MBD5: variants seen among roughly 807,000 people sequenced by gnomAD.
MBD5 encodes methyl-CpG-binding domain protein 5.
MBD5 carries 13 observed loss-of-function variants against 117.3 expected under a neutral mutation model. The ratio of observed to expected loss-of-function variants is 0.11; its 90% confidence interval spans 0.07 to 0.18. MBD5 has a LOEUF of 0.18. Ranked by LOEUF, MBD5 falls within the 10% of genes least tolerant of loss-of-function variation. The pLI is 1.00. For synonymous variants in MBD5, 727 were observed against 766.4 expected (o/e 0.95, Z 0.85); for missense variants, 1,879 against 2,093.8 (o/e 0.90, Z 2.00).
chr2:148,135,541 C>T (rs769481394), intron 1 of MBD5, among the ~76,000 whole-genome samples: 11 of 152,104 alleles, frequency 7.2e-5, no homozygotes, highest in Non-Finnish European at 1.5e-4. Context: ...CTTCTATCTT[C>T]TCCAGCAACT....
At chr2:148,438,165 A>T (rs1460814378) in intron 4 of MBD5, among the ~76,000 whole-genome samples, 1 of 152,248 alleles carries the variant, frequency 6.6e-6, no homozygotes, top group African/African-American at 2.4e-5. Flanking sequence ...GACGAAATAC[A>T]TAGTGTATCA....
intron 1 of MBD5, among the ~76,000 whole-genome samples, chr2:148,046,172 C>T (rs1274367269): frequency 2.6e-5 from 4 of 151,466 alleles, no homozygotes; most frequent in South Asian, 2.1e-4. Context: ...TTAGTAGAGA[C>T]GGGGTTTCAC....
At chr2:148,136,465 T>A (rs375178770) in intron 1 of MBD5, among the ~76,000 whole-genome samples, 5 of 152,298 alleles carry the variant, frequency 3.3e-5, no homozygotes, top group African/African-American at 1.2e-4. Context: ...TTAAGCAGAT[T>A]GTGTTGTGAC....
rs5835195 is a variant in MBD5 at position 148,483,088 on chromosome 2, G to GTT, written c.2519-10_2519-9dup. ...TTCATGATTAATAACTGGGTTTTGT[G>GTT]TTTTTTTTTTTTTCATTTTAGGCGG... On this transcript the variant is annotated intron_variant, in intron 8 of 13. Transcript: ENST00000642680. 2.5e-5 allele frequency: 33 copies of GTT among 1,340,534 alleles called. No individual in the cohort carries two copies. In the African/African-American group the frequency reaches 3.5e-4, roughly 14 times the overall value. The allele number at this position is 1,340,534 out of a possible 1,614,324, so 83.0% of individuals were successfully genotyped here.
chr2:148,508,576 G>A (rs1157765998), intron 12 of MBD5, among the ~76,000 whole-genome samples: 2 of 151,870 alleles, frequency 1.3e-5, no homozygotes, highest in Non-Finnish European at 2.9e-5. Flanking sequence ...CTTCCAGCGG[G>A]GGAATATATT....
chr2:148,483,016 A>C (rs1681207045), intron 8 of MBD5, 94 bp from the exon 9 acceptor site: 3 of 1,415,088 alleles, frequency 2.1e-6, no homozygotes, highest in Non-Finnish European at 2.9e-6. Flanking sequence ...GGAACAAATA[A>C]ATTTAAATTT....
chr2:148,433,263 A>G (rs528190323), intron 4 of MBD5, among the ~76,000 whole-genome samples: 12 of 152,014 alleles, frequency 7.9e-5, no homozygotes, highest in Admixed American at 5.2e-4. Flanking sequence ...GGAAGAGACT[A>G]TGGGGTTTTC....
At chr2:148,052,213 T>G (rs1304108964) in intron 1 of MBD5, among the ~76,000 whole-genome samples, 2 of 136,534 alleles carry the variant, frequency 1.5e-5, no homozygotes, top group Non-Finnish European at 3.2e-5. Flanking sequence ...TGAGTTTTTT[T>G]TTTTTTTTTT....
intron 1 of MBD5, among the ~76,000 whole-genome samples, chr2:148,152,511 G>C (rs201072460): frequency 6.6e-6 from 1 of 151,552 alleles, no homozygotes; most frequent in Admixed American, 6.6e-5. Flanking sequence ...TTTCTGTCTC[G>C]TTGATCTGTC....
At chr2:148,345,422 T>TACAC (rs1703076606) in intron 4 of MBD5, among the ~76,000 whole-genome samples, 1 of 140,486 alleles carries the variant, frequency 7.1e-6, no homozygotes, top group Non-Finnish European at 1.5e-5. Flanking sequence ...CATATACATA[T>TACAC]ATACACATAT....
chr2:148,378,208 G>T (rs893163936), intron 4 of MBD5, among the ~76,000 whole-genome samples: 15 of 151,970 alleles, frequency 9.9e-5, no homozygotes, highest in African/African-American at 3.6e-4. Context: ...GAGTAAAATG[G>T]TTTTATATAT....
intron 2 of MBD5, among the ~76,000 whole-genome samples, chr2:148,224,831 C>T (rs1451411946): frequency 1.3e-5 from 2 of 151,832 alleles, no homozygotes; most frequent in Admixed American, 6.6e-5. Context: ...TTTTGTCTCT[C>T]TTATAGTTTT....
chr2:148,487,968 C>G (rs1186222626), intron 10 of MBD5, among the ~76,000 whole-genome samples: 1 of 152,112 alleles, frequency 6.6e-6, no homozygotes, highest in Non-Finnish European at 1.5e-5. Flanking sequence ...AATATGTAAG[C>G]CATGAACATA....
intron 4 of MBD5, among the ~76,000 whole-genome samples, chr2:148,396,260 C>T (rs1309243917): frequency 2.0e-5 from 3 of 152,144 alleles, no homozygotes; most frequent in African/African-American, 7.2e-5. Flanking sequence ...CTTACTTGCC[C>T]CTCCTCCTTC....
chr2:148,218,547 T>C (rs911440446), intron 2 of MBD5, among the ~76,000 whole-genome samples: 1 of 152,200 alleles, frequency 6.6e-6, no homozygotes, highest in African/African-American at 2.4e-5. Context: ...CATCGCTTAA[T>C]GACATGAGTA....
At chr2:148,039,340 G>A (rs536402972) in intron 1 of MBD5, among the ~76,000 whole-genome samples, 2 of 152,034 alleles carry the variant, frequency 1.3e-5, no homozygotes, top group Admixed American at 6.6e-5. Context: ...CTTTACTAAT[G>A]TGCCAAATTT....
At chr2:148,477,520 TCTTA>T (rs1681007768) in intron 8 of MBD5, among the ~76,000 whole-genome samples, 1 of 152,316 alleles carries the variant, frequency 6.6e-6, no homozygotes. Context: ...TACCATTCCC[TCTTA>T]CTAAAACTTG....
At chr2:148,435,287 A>C (rs1706121425) in intron 4 of MBD5, among the ~76,000 whole-genome samples, 1 of 152,074 alleles carries the variant, frequency 6.6e-6, no homozygotes. Flanking sequence ...AAATCTGTAC[A>C]TATCAATAAT....
intron 1 of MBD5, among the ~76,000 whole-genome samples, chr2:148,074,852 A>T (rs1695463059): frequency 6.6e-6 from 1 of 152,096 alleles, no homozygotes. Flanking sequence ...GGAAATGATC[A>T]TATGTGGCTA....
Sources: allele counts gnomAD v4.1 joint callset (sites outside exome capture counted in the v4.1 genomes callset), GRCh38; gene constraint gnomAD v4.1.1; transcripts MANE v1.5; gene names NCBI Gene and HGNC (gene_info 2026-07-23, HGNC 2026-07-21).